ZDHHC14: variants seen among roughly 807,000 people sequenced by gnomAD.
ZDHHC14 encodes the protein zDHHC palmitoyltransferase 14, also known as palmitoyltransferase ZDHHC14.
Under a neutral mutation model 47.7 loss-of-function variants are expected in ZDHHC14, and 16 were observed. The ratio of observed to expected loss-of-function variants is 0.34; its 90% CI spans 0.23 to 0.51. The LOEUF is 0.51. Ranked by LOEUF, ZDHHC14 falls within the 20% of genes least tolerant of loss-of-function variation. ZDHHC14 has a pLI of 0.97. For missense variants in ZDHHC14, 515 were observed against 662.5 expected (o/e 0.78, Z 2.44); for synonymous variants, 293 against 278.9 (o/e 1.05, Z -0.50).
At chr6:157,477,852 C>T (rs1477693279) in intron 1 of ZDHHC14, among the ~76,000 whole-genome samples, 13 of 152,112 alleles carry the variant, frequency 8.5e-5, no homozygotes, top group South Asian at 2.1e-4. Context: ...GGAACAGGAA[C>T]GTAGAAAGGT....
intron 2 of ZDHHC14, among the ~76,000 whole-genome samples, chr6:157,560,530 A>G (rs1782665921): frequency 1.3e-5 from 2 of 152,242 alleles, no homozygotes; most frequent in South Asian, 4.1e-4. Flanking sequence ...CTTAATATAT[A>G]TAGGAATTAT....
In ZDHHC14 at chr6:157,427,595, C is replaced by T. The variant is rs1225086493; in HGVS notation, c.245+45329C>T. ...AAAGGGAAACTGATGTGATAAATCA[C>T]GGGGTCCAGGCTGGCAGAGATATGA... On this transcript the variant is annotated intron_variant, in intron 1 of 8. Coordinates refer to ENST00000359775, the MANE Select transcript of ZDHHC14 (RefSeq NM_024630.3). The surrounding 1 kb of genome is among the most constrained non-coding windows in gnomAD (Gnocchi z 4.4). Among the ~76,000 whole-genome samples the T allele has an allele frequency of 3.9e-5, 6 of 152,056 alleles. No homozygotes were observed. The highest frequency in any genetic ancestry group is 7.4e-5 in the Non-Finnish European group (5 of 68,018).
At chr6:157,382,366 C>T in intron 1 of ZDHHC14, 100 bp downstream of exon 1, 5 of 1,398,790 alleles carry the variant, frequency 3.6e-6, no homozygotes, top group South Asian at 2.5e-5. Flanking sequence ...GTCTTATCTA[C>T]TGTAAATTGT....
intron 5 of ZDHHC14, among the ~76,000 whole-genome samples, chr6:157,636,722 C>T (rs867366374): frequency 6.6e-6 from 1 of 152,224 alleles, no homozygotes; most frequent in African/African-American, 2.4e-5. Context: ...CTGTTCCTAG[C>T]GCAGGAGAAG....
intron 2 of ZDHHC14, among the ~76,000 whole-genome samples, chr6:157,588,218 G>A (rs570546751): frequency 1.8e-4 from 28 of 152,120 alleles, no homozygotes; most frequent in Admixed American, 1.1e-3. Flanking sequence ...CCAAGATCAC[G>A]CCACTGCACT....
chr6:157,512,687 GA>G (rs769318288), intron 1 of ZDHHC14, among the ~76,000 whole-genome samples: 2 of 151,706 alleles, frequency 1.3e-5, no homozygotes, highest in Non-Finnish European at 2.9e-5. Context: ...CCACAAAAAA[GA>G]AAGAAAGAAA....
chr6:157,542,933 G>A (rs1781830154), intron 2 of ZDHHC14, among the ~76,000 whole-genome samples, 188 bp downstream of exon 2: 2 of 152,212 alleles, frequency 1.3e-5, no homozygotes, highest in South Asian at 4.1e-4. Flanking sequence ...TAAGGCTGGA[G>A]GGACAGGTAT....
intron 2 of ZDHHC14, among the ~76,000 whole-genome samples, chr6:157,553,178 G>A (rs1300533283): frequency 6.6e-6 from 1 of 152,178 alleles, no homozygotes; most frequent in East Asian, 1.9e-4. Flanking sequence ...CCAGATTCCA[G>A]GCGAAGGCAG....
intron 3 of ZDHHC14, among the ~76,000 whole-genome samples, chr6:157,604,897 A>G (rs1784475562): frequency 1.3e-5 from 2 of 152,228 alleles, no homozygotes; most frequent in Non-Finnish European, 1.5e-5. Flanking sequence ...TGAGTTGCCC[A>G]GAATTGAAAT....
intron 1 of ZDHHC14, among the ~76,000 whole-genome samples, chr6:157,504,059 A>C (rs1780253996): frequency 1.3e-5 from 2 of 152,220 alleles, no homozygotes. Flanking sequence ...ATAGCAAAAA[A>C]CTGGAAACAA....
chr6:157,551,751 C>G (rs1044169469), intron 2 of ZDHHC14, among the ~76,000 whole-genome samples: 1 of 152,208 alleles, frequency 6.6e-6, no homozygotes, highest in African/African-American at 2.4e-5. Flanking sequence ...TTGCTAGCTA[C>G]AAGTTCCTCT....
intron 1 of ZDHHC14, among the ~76,000 whole-genome samples, chr6:157,493,034 A>G (rs1023667421): frequency 2.0e-5 from 3 of 152,070 alleles, no homozygotes; most frequent in African/African-American, 7.2e-5. Context: ...CAGGGGAGTC[A>G]CCTTTTAGGT....
At chr6:157,609,885 T>A (rs1784684999) in intron 3 of ZDHHC14, among the ~76,000 whole-genome samples, 1 of 152,216 alleles carries the variant, frequency 6.6e-6, no homozygotes, top group Admixed American at 6.5e-5. Flanking sequence ...CCAGCCTGGA[T>A]CAGGGTCTGC....
chr6:157,530,473 A>T (rs564447609), intron 1 of ZDHHC14, among the ~76,000 whole-genome samples: 1 of 152,326 alleles, frequency 6.6e-6, no homozygotes, highest in East Asian at 1.9e-4. Flanking sequence ...CCCAACAGCA[A>T]CCCAATATCC....
intron 5 of ZDHHC14, among the ~76,000 whole-genome samples, chr6:157,639,472 T>C (rs1441767408): frequency 6.6e-6 from 1 of 152,064 alleles, no homozygotes; most frequent in African/African-American, 2.4e-5. Context: ...GCCCGGCTAA[T>C]TTTTTATATT....
chr6:157,387,833 A>G (rs1392433185), intron 1 of ZDHHC14, among the ~76,000 whole-genome samples: 1 of 152,188 alleles, frequency 6.6e-6, no homozygotes, highest in African/African-American at 2.4e-5. Flanking sequence ...TTAATGAAGT[A>G]ATGGTAATTT....
chr6:157,461,855 A>G (rs1385260973), intron 1 of ZDHHC14, among the ~76,000 whole-genome samples: 2 of 152,154 alleles, frequency 1.3e-5, no homozygotes, highest in African/African-American at 2.4e-5. Flanking sequence ...TTTATTAGTC[A>G]TGGAAACTGG....
intron 2 of ZDHHC14, among the ~76,000 whole-genome samples, chr6:157,557,425 T>A (rs1396466908): frequency 6.6e-6 from 1 of 152,130 alleles, no homozygotes; most frequent in Admixed American, 6.5e-5. Context: ...CATGTTAGGA[T>A]TTTAGTCTCC....
intron 1 of ZDHHC14, among the ~76,000 whole-genome samples, chr6:157,494,943 G>A (rs1052500972): frequency 1.3e-5 from 2 of 152,080 alleles, no homozygotes; most frequent in Admixed American, 6.5e-5. Context: ...TAAAGACTGC[G>A]TTTTCCTCTC....
Sources: gnomAD v4.1 joint callset for allele counts (sites outside exome capture counted in the v4.1 genomes callset) on GRCh38, gnomAD v4.1.1 for gene constraint, Gnocchi (gnomAD v3.1) non-coding constraint, MANE v1.5 for transcripts, NCBI Gene and HGNC (gene_info 2026-07-23, HGNC 2026-07-21) for gene names.